The following FANCA variants were observed in gnomAD, a reference collection of about 807,000 sequenced individuals.
FANCA encodes Fanconi anemia group A protein.
Under a neutral mutation model 194.3 loss-of-function variants are expected in FANCA, and 236 were observed. That is an observed-to-expected ratio of 1.21 (90% CI 1.09 to 1.35). The LOEUF is 1.35. FANCA is among the 40% of genes most tolerant of loss of function. The probability of loss-of-function intolerance (pLI) is 0.00; values close to 1 mark genes in which losing one functional copy is unlikely to be tolerated. For missense variants in FANCA, 2,628 were observed against 1,813.9 expected (o/e 1.45, Z -8.15); for synonymous variants, 1,014 against 715.8 (o/e 1.42, Z -6.65).
rs898049506 is a variant in FANCA, at chr16:89,737,685, C to T, written c.*916G>A. On this transcript the variant is annotated 3_prime_UTR_variant, in exon 43 of 43. Transcript: ENST00000389301. ...CTCATAGGCCCCTTGCTTGGGCCCA[C>T]TGCATGGTGAACCATGTGCAGAAAT... 4.1e-5 allele frequency: 63 copies of T among 1,551,936 alleles called. No homozygotes were observed. The South Asian group carries it at 7.1e-4, about 17-fold the overall frequency.
At chr16:89,794,771 CGTAAGACTGATATCTTGG>C (rs1327091757) in intron 11 of FANCA, among the ~76,000 whole-genome samples, 1 of 152,128 alleles carries the variant, frequency 6.6e-6, no homozygotes, top group Non-Finnish European at 1.5e-5. Context: ...TGGCCTTATT[CGTAAGACTGATATCTTGG>C]GTACAGTCTG....
intron 3 of FANCA, among the ~76,000 whole-genome samples, chr16:89,812,556 G>C (rs1200326394): frequency 6.8e-6 from 1 of 146,568 alleles, no homozygotes; most frequent in African/African-American, 2.5e-5. Flanking sequence ...TGAGGCAGGA[G>C]AATCACTTTA....
At chr16:89,795,432 T>C (rs2040211170) in intron 11 of FANCA, among the ~76,000 whole-genome samples, 1 of 151,684 alleles carries the variant, frequency 6.6e-6, no homozygotes, top group Non-Finnish European at 1.5e-5. Flanking sequence ...AGGTCAGGAG[T>C]TCGAGGCCAG....
intron 15 of FANCA, among the ~76,000 whole-genome samples, chr16:89,784,077 A>G (rs1359343428): frequency 6.6e-6 from 1 of 152,088 alleles, no homozygotes; most frequent in Non-Finnish European, 1.5e-5. Flanking sequence ...TTAAAAGATG[A>G]GGGTCAGGCT....
intron 2 of FANCA, among the ~76,000 whole-genome samples, chr16:89,815,072 C>T (rs958958925): frequency 2.6e-5 from 4 of 152,146 alleles, no homozygotes; most frequent in African/African-American, 9.7e-5. Flanking sequence ...GGGAGTCTCA[C>T]TGTCGTCCAG....
At chr16:89,785,802 CAACGTGAACTGAAGG>C (rs1423252541) in intron 14 of FANCA, among the ~76,000 whole-genome samples, 3 of 151,674 alleles carry the variant, frequency 2.0e-5, no homozygotes, top group Admixed American at 2.0e-4. Context: ...ACCTGAACTC[CAACGTGAACTGAAGG>C]CTCACCTTGG....
chr16:89,770,973 T>G (rs939509249), intron 23 of FANCA, among the ~76,000 whole-genome samples: 1 of 152,086 alleles, frequency 6.6e-6, no homozygotes, highest in African/African-American at 2.4e-5. Flanking sequence ...GAGCCCAACC[T>G]GGTCAACATG....
At chr16:89,763,620 C>G (rs1180066408) in intron 28 of FANCA, among the ~76,000 whole-genome samples, 2 of 152,166 alleles carry the variant, frequency 1.3e-5, no homozygotes, top group African/African-American at 4.8e-5. Flanking sequence ...GTGACCACCA[C>G]ACAGCCTGGC....
intron 10 of FANCA, chr16:89,798,746 C>T (rs56030313): frequency 5.1e-6 from 7 of 1,360,442 alleles, no homozygotes; most frequent in Non-Finnish European, 6.7e-6. Context: ...TCTGTGGAGG[C>T]CAGGCAGCGG....
At chr16:89,790,101 G>T (rs954444578) in intron 14 of FANCA, among the ~76,000 whole-genome samples, 1 of 152,196 alleles carries the variant, frequency 6.6e-6, no homozygotes, top group African/African-American at 2.4e-5. Flanking sequence ...CAGGACTTAC[G>T]TGAAAATTAG....
chr16:89,787,519 TAAAAAA>T (rs1014503562), intron 14 of FANCA, among the ~76,000 whole-genome samples: 1 of 151,524 alleles, frequency 6.6e-6, no homozygotes, highest in African/African-American at 2.4e-5. Flanking sequence ...AACTCCATCT[TAAAAAA>T]ACAAAAAGAC....
intron 1 of FANCA, 32 bp from the exon 2 acceptor site, chr16:89,816,018 A>C: frequency 6.5e-7 from 1 of 1,544,978 alleles, no homozygotes; most frequent in South Asian, 1.1e-5. Flanking sequence ...AAACCATCAC[A>C]GCACAATTCA....
At chr16:89,792,688 A>C in intron 11 of FANCA, 141 bp from the exon 12 acceptor site, 1 of 695,916 alleles carries the variant, frequency 1.4e-6, no homozygotes. Context: ...ATACAAGACA[A>C]AGAGATAAAA....
rs944272726 is a variant in FANCA at position 89,816,191 on chromosome 16, C to A, written c.80-205G>T. 2.7e-5 allele frequency: 16 copies of A among 601,652 alleles called. No individual in the cohort carries two copies. In the African/African-American group the frequency reaches 3.0e-4, roughly 11 times the overall value. The allele number at this position is 601,652 out of a possible 1,614,324, so 37.3% of individuals were successfully genotyped here. A position where few individuals can be genotyped will look rare whatever the true frequency, so the allele number is the denominator to read the frequency against. On this transcript the variant is annotated intron_variant, in intron 1 of 42. Transcript: ENST00000389301. ...CCGGGGAAGACGGCCCAGGAGGGCCCGAGGCAGGGGAGCCCGGGGACGGCT... is the reference window on the plus strand; with the variant it reads ...CCGGGGAAGACGGCCCAGGAGGGCCAGAGGCAGGGGAGCCCGGGGACGGCT...
rs201992220 is a variant in FANCA at position 89,803,273 on chromosome 16, C to T, written c.778G>A (p.Glu260Lys). The stretch of plus-strand genomic sequence containing the variant: ...TTTCCTCCTACCTGCGGCATTTTTT[C>T]AGGCTCCACAGTTCTTCTCAGATCT... ...NSDLRRTVEP[E>K]KMPQVTVDVL... Residue 260 changes from glutamate (E) to lysine (K), a missense_variant, in exon 8 of 43, where the codon GAA becomes AAA. Physicochemically the swap from Glu to Lys is moderately conservative, Grantham distance 56. Coordinates refer to ENST00000389301, the MANE Select transcript of FANCA (RefSeq NM_000135.4). The T allele has an allele frequency of 8.7e-6, 14 of 1,614,174 alleles. No homozygotes were observed. The Admixed American group carries it at 1.5e-4, about 17-fold the overall frequency.
In FANCA at chr16:89,769,698, G is replaced by C. The variant is rs907981771; in HGVS notation, c.2504+139C>G. 6 of 898,548 alleles carry C rather than the reference G, an allele frequency of 6.7e-6. No homozygotes were observed. In the African/African-American group the frequency reaches 8.3e-5, roughly 12 times the overall value. The allele number at this position is 898,548 out of a possible 1,614,324, so 55.7% of individuals were successfully genotyped here. ...ACAAATGACAGATAAAATTCTGGAA[G>C]GATATATACCAAAATGCTAAAAAGT... On this transcript the variant is annotated intron_variant, in intron 26 of 42. Transcript: ENST00000389301.
intron 26 of FANCA, among the ~76,000 whole-genome samples, chr16:89,769,470 A>G (rs775827488): frequency 1.3e-5 from 2 of 152,198 alleles, no homozygotes; most frequent in Non-Finnish European, 2.9e-5. Context: ...GCTACTCACC[A>G]TGGGGTGCCG....
intron 22 of FANCA, 67 bp downstream of exon 22, chr16:89,773,204 C>G (rs1598115990): frequency 7.8e-7 from 1 of 1,279,176 alleles, no homozygotes; most frequent in Non-Finnish European, 1.1e-6. Flanking sequence ...GGAAAATGGC[C>G]CAGCCACAGA....
chr16:89,804,138 G>A (rs1056862353), intron 7 of FANCA, among the ~76,000 whole-genome samples: 2 of 152,044 alleles, frequency 1.3e-5, no homozygotes, highest in African/African-American at 4.8e-5. Flanking sequence ...AACCTATCTG[G>A]TACCAGGTTA....
Sources: allele counts gnomAD v4.1 joint callset (sites outside exome capture counted in the v4.1 genomes callset), GRCh38; gene constraint gnomAD v4.1.1; transcripts MANE v1.5; gene names NCBI Gene and HGNC (gene_info 2026-07-23, HGNC 2026-07-21).